UNC13C: variants seen among roughly 807,000 people sequenced by gnomAD.
UNC13C encodes the protein unc-13 homolog C, also known as protein unc-13 homolog C.
UNC13C carries 174 observed loss-of-function variants against 245.4 expected under a neutral mutation model. The observed-to-expected ratio is 0.71, with a 90% CI of 0.63 to 0.80. The LOEUF (loss-of-function observed/expected upper bound fraction) is 0.80. UNC13C is among the 30% of genes least tolerant of loss of function. The pLI, the probability that UNC13C is intolerant of heterozygous loss-of-function variation, is 0.00. For missense variants in UNC13C, 2,829 were observed against 2,602.9 expected, an observed-to-expected ratio of 1.09 and a Z score of -1.89; for synonymous variants, 992 against 895.1, an observed-to-expected ratio of 1.11 and a Z score of -1.93.
At chr15:54,124,774 T>C (rs34961391) in intron 2 of UNC13C, among the ~76,000 whole-genome samples, 57,814 of 151,962 alleles carry the variant, frequency 0.38, 11,121 homozygotes, top group African/African-American at 0.41. Context: ...AATCTATGGT[T>C]CATTTTGAGA....
At chr15:54,454,654 T>C (rs1162713417) in intron 19 of UNC13C, among the ~76,000 whole-genome samples, 1 of 152,112 alleles carries the variant, frequency 6.6e-6, no homozygotes. Context: ...TCTATACATT[T>C]ACCTATTCTG....
intron 17 of UNC13C, among the ~76,000 whole-genome samples, chr15:54,391,390 G>A (rs1040597730): frequency 2.0e-5 from 3 of 151,984 alleles, no homozygotes; most frequent in Admixed American, 6.6e-5. Context: ...TTACATTATA[G>A]TAGTGATAAC....
At chr15:54,022,257 T>C (rs1297562379) in intron 2 of UNC13C, among the ~76,000 whole-genome samples, 2 of 152,234 alleles carry the variant, frequency 1.3e-5, no homozygotes, top group African/African-American at 4.8e-5. Flanking sequence ...TTATTATTCA[T>C]CTTTTTGATC....
At chr15:54,615,807 A>T (rs1029360319) in intron 30 of UNC13C, among the ~76,000 whole-genome samples, 7 of 151,978 alleles carry the variant, frequency 4.6e-5, no homozygotes, top group Admixed American at 4.6e-4. Flanking sequence ...CTTGTTTGAC[A>T]ATCTAACCAA....
chr15:53,946,489 C>A, the UNC13C span, among the ~76,000 whole-genome samples: 44 of 148,606 alleles, frequency 3.0e-4, no homozygotes, highest in Non-Finnish European at 5.6e-4. Flanking sequence ...GCTGTGTCAC[C>A]CATGCTGGAT....
intron 17 of UNC13C, among the ~76,000 whole-genome samples, chr15:54,366,192 G>C (rs1346681657): frequency 6.6e-6 from 1 of 152,020 alleles, no homozygotes; most frequent in Non-Finnish European, 1.5e-5. Flanking sequence ...CTGTTATTTA[G>C]AATTTATTGC....
At chr15:54,551,598 T>A (rs767165977) in intron 28 of UNC13C, among the ~76,000 whole-genome samples, 54 of 152,088 alleles carry the variant, frequency 3.6e-4, no homozygotes, top group Admixed American at 1.4e-3. Context: ...TTCACTGAAT[T>A]CTTTTTTAAT....
intron 13 of UNC13C, chr15:54,321,092 C>G: frequency 6.1e-6 from 3 of 490,038 alleles, no homozygotes; most frequent in Non-Finnish European, 1.2e-5. Context: ...CTTTTAGGAC[C>G]ACTTTGACCT....
At chr15:54,603,091 T>C (rs1899533545) in intron 30 of UNC13C, among the ~76,000 whole-genome samples, 1 of 152,230 alleles carries the variant, frequency 6.6e-6, no homozygotes, top group South Asian at 2.1e-4. Flanking sequence ...CTTAGCTGTT[T>C]GTGGCATCTC....
At position 54,454,315 on chromosome 15, in the gene UNC13C, G is replaced by A. The variant is rs866610565; in HGVS notation, c.4933+39248G>A. 2.6e-5 allele frequency among the ~76,000 whole-genome samples: 4 copies of A among 151,872 alleles called. No individual in the cohort carries two copies. The South Asian group carries it at 6.2e-4, about 24-fold the overall frequency. On this transcript the variant is annotated intron_variant, in intron 19 of 32. Transcript: ENST00000260323. ...TCCCTGGCGGGGTGCAGTGGCTCACGTCTGTAATCCCAGCACTTTGGGAGG... is the reference window on the plus strand; with the variant it reads ...TCCCTGGCGGGGTGCAGTGGCTCACATCTGTAATCCCAGCACTTTGGGAGG...
intron 4 of UNC13C, among the ~76,000 whole-genome samples, chr15:54,190,568 C>T (rs780082579): frequency 6.6e-6 from 1 of 151,848 alleles, no homozygotes; most frequent in Non-Finnish European, 1.5e-5. Flanking sequence ...AGGTCTTTAC[C>T]TACAAATATA....
chr15:54,058,364 G>A (rs1357783848), intron 2 of UNC13C, among the ~76,000 whole-genome samples: 2 of 152,182 alleles, frequency 1.3e-5, no homozygotes, highest in Admixed American at 6.5e-5. Flanking sequence ...AAAGCTAGAA[G>A]GAATGGATAA....
chr15:54,503,310 T>C (rs1360884472), intron 22 of UNC13C, among the ~76,000 whole-genome samples: 1 of 152,178 alleles, frequency 6.6e-6, no homozygotes, highest in Non-Finnish European at 1.5e-5. Context: ...CTTGCCAGCA[T>C]TTCTCTTTTT....
At chr15:54,482,060 T>A (rs1893150561) in intron 19 of UNC13C, among the ~76,000 whole-genome samples, 1 of 152,078 alleles carries the variant, frequency 6.6e-6, no homozygotes, top group Non-Finnish European at 1.5e-5. Context: ...ATATACACTT[T>A]GTCTCGCTTT....
At chr15:54,410,323 TC>T (rs1459337245) in intron 18 of UNC13C, among the ~76,000 whole-genome samples, 1 of 152,190 alleles carries the variant, frequency 6.6e-6, no homozygotes, top group East Asian at 1.9e-4. Context: ...CTGAAGTTTG[TC>T]CCTTTACTCT....
chr15:54,366,937 A>T (rs2039378715), intron 17 of UNC13C, among the ~76,000 whole-genome samples: 1 of 152,136 alleles, frequency 6.6e-6, no homozygotes, highest in Admixed American at 6.6e-5. Context: ...AGCCAGTTAG[A>T]CCAGGAATTG....
chr15:54,095,771 T>C (rs1208355844), intron 2 of UNC13C, among the ~76,000 whole-genome samples: 1 of 152,198 alleles, frequency 6.6e-6, no homozygotes. Context: ...TTCAACAAAT[T>C]TATCGACCAC....
chr15:53,947,961 A>G, the UNC13C span: 3 of 152,358 alleles, frequency 2.0e-5, no homozygotes, highest in South Asian at 6.2e-4. Flanking sequence ...ATACCTTCTG[A>G]ATTAAAATTT....
chr15:54,223,518 G>T (rs1374972773), intron 4 of UNC13C, among the ~76,000 whole-genome samples: 1 of 152,044 alleles, frequency 6.6e-6, no homozygotes. Context: ...TTGGAAGTCA[G>T]ATAAGGTGAT....
Sources: gnomAD v4.1 joint callset for allele counts (sites outside exome capture counted in the v4.1 genomes callset) on GRCh38, gnomAD v4.1.1 for gene constraint, MANE v1.5 for transcripts, NCBI Gene and HGNC (gene_info 2026-07-23, HGNC 2026-07-21) for gene names.